ADGRB1: variants seen among roughly 807,000 people sequenced by gnomAD.
ADGRB1 encodes the protein brain-specific angiogenesis inhibitor 1.
A neutral mutation model predicts 175.7 loss-of-function variants in ADGRB1; 36 were observed. The ratio of observed to expected loss-of-function variants is 0.20; its 90% CI spans 0.16 to 0.27. The LOEUF is 0.27. ADGRB1 is among the 10% of genes least tolerant of loss of function. The pLI, the probability that ADGRB1 is intolerant of heterozygous loss-of-function variation, is 1.00. For missense variants in ADGRB1, 1,731 were observed against 2,255.3 expected, an observed-to-expected ratio of 0.77 and a Z score of 4.71; for synonymous variants, 1,054 against 979.4, an observed-to-expected ratio of 1.08 and a Z score of -1.42.
intron 2 of ADGRB1, among the ~76,000 whole-genome samples, chr8:142,468,251 CGTGT>C (rs1385927053): frequency 6.6e-6 from 1 of 151,860 alleles, no homozygotes; most frequent in African/African-American, 2.4e-5. Context: ...TACTCATGTG[CGTGT>C]GTGTGTGACA....
In ADGRB1 at chr8:142,464,856, G is replaced by A. The variant is rs758487858; in HGVS notation, c.658G>A (p.Ala220Thr). The change falls in exon 2 of 31, where the codon GCG (alanine) becomes ACG (threonine). Residue 220 changes from alanine to threonine, a missense_variant. Coordinates refer to ENST00000517894, the MANE Select transcript of ADGRB1 (RefSeq NM_001702.3). ...QTPCACLGGEAGGPAAGPLAP... is the reference protein window; with the variant it reads ...QTPCACLGGETGGPAAGPLAP... ...CCCCTGCGCCTGCCTGGGCGGCGAG[G>A]CGGGCGGCCCTGCCGCGGGACCCCT... 1.2e-5 allele frequency: 19 copies of A among 1,522,182 alleles called. No individual in the cohort carries two copies. In the South Asian group the frequency reaches 2.2e-4, roughly 18 times the overall value. The allele number at this position is 1,522,182 out of a possible 1,614,324, so 94.3% of individuals were successfully genotyped here.
intron 17 of ADGRB1, among the ~76,000 whole-genome samples, chr8:142,494,635 G>T (rs1213793712): frequency 6.6e-6 from 1 of 151,806 alleles, no homozygotes; most frequent in East Asian, 1.9e-4. Context: ...TCAAGCCCAT[G>T]ATGTCTGCTC....
At chr8:142,518,501 G>A (rs923359068) in intron 19 of ADGRB1, among the ~76,000 whole-genome samples, 6 of 152,114 alleles carry the variant, frequency 3.9e-5, no homozygotes, top group Admixed American at 1.3e-4. Flanking sequence ...TCCCCTGAAC[G>A]TGCCCCCTTT....
intron 25 of ADGRB1, among the ~76,000 whole-genome samples, chr8:142,534,044 G>A (rs1008502758): frequency 1.3e-5 from 2 of 152,210 alleles, no homozygotes; most frequent in Non-Finnish European, 2.9e-5. Flanking sequence ...CCCTTCCTGG[G>A]TCCCCCTGGA....
chr8:142,475,373 C>G lies in ADGRB1; in HGVS notation c.785-101C>G, dbSNP rs940617235. The G allele has an allele frequency of 6.8e-6, 8 of 1,177,760 alleles. No homozygotes were observed. In the African/African-American group the frequency reaches 9.5e-5, roughly 14 times the overall value. 73.0% of individuals were successfully genotyped at this position (1,177,760 alleles called of 1,614,324 possible). A position where few individuals can be genotyped will look rare whatever the true frequency, so the allele number is the denominator to read the frequency against. On this transcript the variant is annotated intron_variant, in intron 2 of 30. Transcript: ENST00000517894. Reference sequence around the variant, plus strand: ...CTTCCCCGGCACTGCGGCCCCTCCCCACCCGGGCCGGCCTCGGCGGGCTTA... The same window carrying G: ...CTTCCCCGGCACTGCGGCCCCTCCCGACCCGGGCCGGCCTCGGCGGGCTTA...
chr8:142,481,988 C>T (rs1295156955), intron 11 of ADGRB1, among the ~76,000 whole-genome samples: 2 of 148,602 alleles, frequency 1.3e-5, no homozygotes, highest in African/African-American at 2.5e-5. Context: ...ACACACTGAG[C>T]TCTGGTCACA....
intron 1 of ADGRB1, among the ~76,000 whole-genome samples, chr8:142,457,872 G>T (rs1200422487): frequency 6.6e-6 from 1 of 152,188 alleles, no homozygotes; most frequent in Non-Finnish European, 1.5e-5. Context: ...CCTCACAGGT[G>T]GGGGACCGTG....
rs917794634 is a variant in ADGRB1 at position 142,464,291 on chromosome 8, C to T, written c.93C>T (p.Ala31=). The change falls in exon 2 of 31, where the codon GCC becomes GCT. Residue 31 remains alanine, a synonymous_variant. Transcript: ENST00000517894. The stretch of plus-strand genomic sequence containing the variant: ...TGCTGGGACGCCGCGCGCGGGCGGC[C>T]GCCGGAGCAGACGCGGGGCCCGGGC... ...LLLLGRRARA[A]AGADAGPGPE... The T allele has an allele frequency of 1.5e-6, 2 of 1,375,304 alleles. No individual in the cohort carries two copies. The highest frequency in any genetic ancestry group is 1.5e-5 in the African/African-American group (1 of 65,418). The allele number at this position is 1,375,304 out of a possible 1,614,324, so 85.2% of individuals were successfully genotyped here.
chr8:142,484,652 C>A lies in ADGRB1; in HGVS notation c.2200-4C>A. 1 of 1,606,932 alleles carries A rather than the reference C, an allele frequency of 6.2e-7. No individual in the cohort carries two copies. Among genetic ancestry groups the A allele is most frequent in the Non-Finnish European group, 8.5e-7 (1 of 1,177,506 alleles). On this transcript the variant is annotated splice_polypyrimidine_tract_variant and splice_region_variant and intron_variant, in intron 12 of 30. Coordinates refer to ENST00000517894, the MANE Select transcript of ADGRB1 (RefSeq NM_001702.3). ...CCTCGGCTGCTCACCCCCCTGCCCT[C>A]CAGGCGGGCCCCAACGCCAAGGAGC...
In ADGRB1 at chr8:142,511,004, C is replaced by A; in HGVS notation, c.2748C>A (p.Ala916=). ...WRGCRTVPLD[A]LRTRCLCDRL... ...GCTGCCGCACGGTGCCCCTCGACGC[C>A]CTCCGGACGCGCTGCCTCTGTGACC... Residue 916 remains alanine, a synonymous_variant, in exon 18 of 31, where the codon GCC becomes GCA. Transcript: ENST00000517894. The surrounding 1 kb of genome is among the most constrained non-coding windows in gnomAD (Gnocchi z 4.5). 7.5e-7 allele frequency: 1 copy of A among 1,325,524 alleles called. No homozygotes were observed. Among genetic ancestry groups the A allele is most frequent in the Non-Finnish European group, 9.8e-7 (1 of 1,021,466 alleles). 82.1% of individuals were successfully genotyped at this position (1,325,524 alleles called of 1,614,324 possible).
At chr8:142,517,215 C>T (rs141255118) in intron 18 of ADGRB1, among the ~76,000 whole-genome samples, 220 of 152,184 alleles carry the variant, frequency 1.4e-3, no homozygotes, top group Middle Eastern at 3.4e-3. Flanking sequence ...TTTGCAGAGC[C>T]GGGTGGGACA....
chr8:142,540,273 C>T (rs893122746), intron 27 of ADGRB1, among the ~76,000 whole-genome samples: 4 of 152,248 alleles, frequency 2.6e-5, no homozygotes, highest in African/African-American at 9.6e-5. Flanking sequence ...GAGGAAGTGA[C>T]TTCGGGGCTG....
intron 24 of ADGRB1, among the ~76,000 whole-genome samples, chr8:142,527,502 A>G (rs1479859569): frequency 6.6e-6 from 1 of 151,936 alleles, no homozygotes; most frequent in African/African-American, 2.4e-5. Context: ...GGTCCTGGTT[A>G]GGAACCAGCC....
Position 142,537,917 on chromosome 8 carries a change from C to T in ADGRB1, c.3666+835C>T, listed in dbSNP as rs978115318. Among the ~76,000 whole-genome samples, 2 of 152,156 alleles carry T rather than the reference C, an allele frequency of 1.3e-5. No individual in the cohort carries two copies. Among genetic ancestry groups the T allele is most frequent in the African/African-American group, 4.8e-5 (2 of 41,426 alleles). ...TGGGCTCCTAGTCACCAAGTCTGCT[C>T]CCACCCACACCCGTCACTAGACCTC... is the stretch of plus-strand genomic sequence containing the variant. On this transcript the variant is annotated intron_variant, in intron 26 of 30. Transcript: ENST00000517894. The surrounding 1 kb of genome is among the most constrained non-coding windows in gnomAD (Gnocchi z 4.6).
chr8:142,534,133 C>T (rs756245772), intron 25 of ADGRB1, among the ~76,000 whole-genome samples: 92 of 152,316 alleles, frequency 6.0e-4, no homozygotes, highest in Non-Finnish European at 4.0e-4. Context: ...GCAGGGGAGC[C>T]GGTAGGCAGG....
intron 17 of ADGRB1, among the ~76,000 whole-genome samples, chr8:142,491,425 G>A (rs920142534): frequency 6.6e-6 from 1 of 152,228 alleles, no homozygotes; most frequent in African/African-American, 2.4e-5. Context: ...GCCCTGGTGG[G>A]TGTGCCAGAG....
Position 142,542,032 on chromosome 8 carries a change from G to T in ADGRB1, c.3798G>T (p.Leu1266=). 1 of 1,610,076 alleles carries T rather than the reference G, an allele frequency of 6.2e-7. No individual in the cohort carries two copies. The highest frequency in any genetic ancestry group is 8.5e-7 in the Non-Finnish European group (1 of 1,178,966). ...PSLPEEEKLK[L]AHAKGPPTNF... Reference sequence around the variant, plus strand: ...TGCCCGAGGAGGAGAAGCTGAAGCTGGCCCATGCCAAGGGGCCGCCCACCA... The same window carrying T: ...TGCCCGAGGAGGAGAAGCTGAAGCTTGCCCATGCCAAGGGGCCGCCCACCA... The change falls in exon 28 of 31, where the codon CTG becomes CTT. Residue 1266 remains leucine, a synonymous_variant. Transcript: ENST00000517894. This position sits in a 1 kb window ranked among gnomAD's most constrained non-coding sequence, Gnocchi z 6.3.
rs1840860324 is a variant in ADGRB1, at chr8:142,474,798, G to A, written c.785-676G>A. 6.6e-6 allele frequency among the ~76,000 whole-genome samples: 1 copy of A among 152,154 alleles called. No homozygotes were observed. The highest frequency in any genetic ancestry group is 6.5e-5 in the Admixed American group (1 of 15,286). ...CGGCCGGGGTCAGGGCAGGGGCGTG[G>A]CGGGGAGGCGCCTGCAGGCATTTAT... is the stretch of plus-strand genomic sequence containing the variant. On this transcript the variant is annotated intron_variant, in intron 2 of 30. Coordinates refer to ENST00000517894, the MANE Select transcript of ADGRB1 (RefSeq NM_001702.3). This position sits in a 1 kb window ranked among gnomAD's most constrained non-coding sequence, Gnocchi z 5.8.
In ADGRB1 at chr8:142,493,327, G is replaced by A. The variant is rs1842067477; in HGVS notation, c.2675+2512G>A. On this transcript the variant is annotated intron_variant, in intron 17 of 30. Transcript: ENST00000517894. This position sits in a 1 kb window ranked among gnomAD's most constrained non-coding sequence, Gnocchi z 5.0. The stretch of plus-strand genomic sequence containing the variant: ...GGGAGCCTTGGCTTCCTGACCCTAT[G>A]GCCAGGGTCTGCCTGCTTTTAGGCA... 6.6e-6 allele frequency among the ~76,000 whole-genome samples: 1 copy of A among 151,990 alleles called. No individual in the cohort carries two copies. The highest frequency in any genetic ancestry group is 1.5e-5 in the Non-Finnish European group (1 of 67,988).
Sources: gnomAD v4.1 joint callset for allele counts (sites outside exome capture counted in the v4.1 genomes callset) on GRCh38, gnomAD v4.1.1 for gene constraint, Gnocchi (gnomAD v3.1) non-coding constraint, MANE v1.5 for transcripts, NCBI Gene and HGNC (gene_info 2026-07-23, HGNC 2026-07-21) for gene names.